UNC5C: variants seen among roughly 807,000 people sequenced by gnomAD.
UNC5C encodes netrin receptor UNC5C.
Under a neutral mutation model 99.8 loss-of-function variants are expected in UNC5C, and 47 were observed. The ratio of observed to expected loss-of-function variants is 0.47; its 90% CI spans 0.37 to 0.60. UNC5C has a LOEUF of 0.60. Ranked by LOEUF, UNC5C falls within the 20% of genes least tolerant of loss-of-function variation. The pLI is 0.00. For missense variants in UNC5C, 1,062 were observed against 1,165.9 expected, an observed-to-expected ratio of 0.91 and a Z score of 1.30; for synonymous variants, 487 against 452.2, an observed-to-expected ratio of 1.08 and a Z score of -0.98.
At chr4:95,427,809 G>C (rs895908681) in intron 1 of UNC5C, among the ~76,000 whole-genome samples, 1 of 151,956 alleles carries the variant, frequency 6.6e-6, no homozygotes, top group East Asian at 1.9e-4. Context: ...AGGTATGTTC[G>C]TATTTGCTTC....
At position 95,219,426 on chromosome 4, in the gene UNC5C, T is replaced by C. The variant is rs573109327; in HGVS notation, c.1301-113A>G. On this transcript the variant is annotated intron_variant, in intron 8 of 15. Coordinates refer to ENST00000453304, the MANE Select transcript of UNC5C (RefSeq NM_003728.4). The stretch of plus-strand genomic sequence containing the variant: ...CGAAAGTAAAGCAGCTCAGCTAATA[T>C]CGGAGATAGATAGACAGGCTCTACT... 4.0e-6 allele frequency: 4 copies of C among 988,648 alleles called. No homozygotes were observed. In the African/African-American group the frequency reaches 6.5e-5, roughly 16 times the overall value. 61.2% of individuals were successfully genotyped at this position (988,648 alleles called of 1,614,324 possible). A position where few individuals can be genotyped will look rare whatever the true frequency, so the allele number is the denominator to read the frequency against.
At chr4:95,216,055 T>G in intron 10 of UNC5C, 69 bp downstream of exon 10, 1 of 1,332,398 alleles carries the variant, frequency 7.5e-7, no homozygotes, top group South Asian at 1.3e-5. Flanking sequence ...GGGTTTATTG[T>G]GTCTATTGTA....
At chr4:95,413,725 C>A (rs1746073400) in intron 1 of UNC5C, among the ~76,000 whole-genome samples, 2 of 152,118 alleles carry the variant, frequency 1.3e-5, no homozygotes, top group Admixed American at 1.3e-4. Context: ...TAGTTGAAAC[C>A]ATTTCCGCGT....
chr4:95,197,234 C>G (rs914452831), intron 12 of UNC5C, among the ~76,000 whole-genome samples: 1 of 150,770 alleles, frequency 6.6e-6, no homozygotes, highest in South Asian at 2.1e-4. Flanking sequence ...ATACACAGCT[C>G]CAGACATTGG....
At chr4:95,297,195 A>G (rs866948406) in intron 3 of UNC5C, among the ~76,000 whole-genome samples, 2 of 152,066 alleles carry the variant, frequency 1.3e-5, no homozygotes, top group African/African-American at 4.8e-5. Context: ...CTGCAGGTCA[A>G]TTTCTCCCTC....
At chr4:95,326,752 C>T (rs941608565) in intron 2 of UNC5C, among the ~76,000 whole-genome samples, 1 of 152,002 alleles carries the variant, frequency 6.6e-6, no homozygotes, top group Non-Finnish European at 1.5e-5. Context: ...TAATTATTTG[C>T]TTCCTATTTA....
chr4:95,276,069 G>T (rs1740848879), intron 4 of UNC5C, among the ~76,000 whole-genome samples: 1 of 152,116 alleles, frequency 6.6e-6, no homozygotes, highest in Non-Finnish European at 1.5e-5. Context: ...AAGGAAAATG[G>T]TCGTATAATC....
At chr4:95,218,906 G>T in intron 9 of UNC5C, 63 bp downstream of exon 9, 1 of 1,485,806 alleles carries the variant, frequency 6.7e-7, no homozygotes, top group Non-Finnish European at 9.0e-7. Context: ...GAACAAAAAA[G>T]ATTTTGGTAT....
At chr4:95,507,142 T>C (rs1286890406) in intron 1 of UNC5C, among the ~76,000 whole-genome samples, 2 of 152,012 alleles carry the variant, frequency 1.3e-5, no homozygotes, top group African/African-American at 4.8e-5. Flanking sequence ...TCTCATGAAT[T>C]TGAAACTATC....
At chr4:95,282,592 T>G (rs1320338550) in intron 3 of UNC5C, among the ~76,000 whole-genome samples, 1 of 152,198 alleles carries the variant, frequency 6.6e-6, no homozygotes, top group African/African-American at 2.4e-5. Context: ...TTTTTATGCT[T>G]CCGTTCAACA....
intron 12 of UNC5C, among the ~76,000 whole-genome samples, chr4:95,197,064 ATTTT>A (rs1199967857): frequency 2.0e-5 from 1 of 50,926 alleles, no homozygotes; most frequent in Admixed American, 3.5e-4. Context: ...TATAATATAT[ATTTT>A]TATATTATAT....
At chr4:95,296,998 G>A (rs567543562) in intron 3 of UNC5C, among the ~76,000 whole-genome samples, 1 of 152,192 alleles carries the variant, frequency 6.6e-6, no homozygotes, top group South Asian at 2.1e-4. Flanking sequence ...ACCCTCAGTG[G>A]TGCAGAGCTG....
intron 7 of UNC5C, among the ~76,000 whole-genome samples, chr4:95,225,276 C>T (rs955229638): frequency 6.6e-6 from 1 of 152,130 alleles, no homozygotes; most frequent in Non-Finnish European, 1.5e-5. Flanking sequence ...AGACTGGTCT[C>T]GAAATCCTGG....
At chr4:95,345,300 G>T (rs751396736) in intron 1 of UNC5C, among the ~76,000 whole-genome samples, 3 of 151,770 alleles carry the variant, frequency 2.0e-5, no homozygotes, top group Non-Finnish European at 2.9e-5. Flanking sequence ...CAGCAAGAGG[G>T]CATAACAATT....
chr4:95,296,887 GC>G (rs1381608430), intron 3 of UNC5C, among the ~76,000 whole-genome samples: 1 of 151,972 alleles, frequency 6.6e-6, no homozygotes, highest in Non-Finnish European at 1.5e-5. Flanking sequence ...AGAATTTGTG[GC>G]AGTGGATGTT....
intron 14 of UNC5C, among the ~76,000 whole-genome samples, chr4:95,181,894 C>T (rs1736626605): frequency 1.3e-5 from 2 of 152,182 alleles, no homozygotes; most frequent in African/African-American, 4.8e-5. Flanking sequence ...ACATTGCATT[C>T]GTCACTGTGC....
rs1261216669 is a variant in UNC5C at position 95,168,247 on chromosome 4, T to G, written c.*987A>C. ...GCATTTATCAATCACCTTTCTGGGG[T>G]GGAATAAGGGAAAGGTAAAAGGTCA... On this transcript the variant is annotated 3_prime_UTR_variant, in exon 16 of 16. Coordinates refer to ENST00000453304, the MANE Select transcript of UNC5C (RefSeq NM_003728.4). 1 of 151,784 alleles carries G rather than the reference T, an allele frequency of 6.6e-6. No individual in the cohort carries two copies. Among genetic ancestry groups the G allele is most frequent in the African/African-American group, 2.4e-5 (1 of 41,278 alleles). 9.4% of individuals were successfully genotyped at this position (151,784 alleles called of 1,614,324 possible). A position where few individuals can be genotyped will look rare whatever the true frequency, so the allele number is the denominator to read the frequency against.
At chr4:95,527,931 C>G (rs911039464) in intron 1 of UNC5C, among the ~76,000 whole-genome samples, 2 of 152,146 alleles carry the variant, frequency 1.3e-5, no homozygotes, top group South Asian at 4.1e-4. Flanking sequence ...CTAGAAAATA[C>G]CAGAGCTTCA....
chr4:95,434,199 A>C (rs562632274), intron 1 of UNC5C, among the ~76,000 whole-genome samples: 1 of 152,236 alleles, frequency 6.6e-6, no homozygotes, highest in East Asian at 1.9e-4. Context: ...AGTTGACTGA[A>C]TGAATTATAG....
Sources: gnomAD v4.1 joint callset for allele counts (sites outside exome capture counted in the v4.1 genomes callset) on GRCh38, gnomAD v4.1.1 for gene constraint, MANE v1.5 for transcripts, NCBI Gene and HGNC (gene_info 2026-07-23, HGNC 2026-07-21) for gene names.